CIMAP1C: variants seen among roughly 807,000 people sequenced by gnomAD.
The protein encoded by CIMAP1C is ciliary microtubule associated protein 1C.
chr15:75,727,520 GTCA>G, the CIMAP1C span: 1 of 1,589,808 alleles, frequency 6.3e-7, no homozygotes, highest in Non-Finnish European at 8.6e-7. Flanking sequence ...GTGCCCACTG[GTCA>G]TCGACATTCG....
the CIMAP1C span, chr15:75,727,343 T>C: frequency 2.5e-6 from 4 of 1,614,058 alleles, no homozygotes; most frequent in Non-Finnish European, 1.7e-6. Context: ...ACCTGAGCCA[T>C]CCATCTATCA....
the CIMAP1C span, chr15:75,727,599 T>C: frequency 5.4e-6 from 8 of 1,494,946 alleles, no homozygotes; most frequent in South Asian, 4.0e-5. Context: ...CTACACCAAA[T>C]TGAGCAATTT....
At chr15:75,727,686 G>T in the CIMAP1C span, 9 of 870,516 alleles carry the variant, frequency 1.0e-5, no homozygotes, top group South Asian at 1.6e-4. Context: ...ACATTTTCAT[G>T]TATTTGTTTT....
chr15:75,724,345 G>A, the CIMAP1C span: 4 of 1,495,928 alleles, frequency 2.7e-6, no homozygotes, highest in Admixed American at 1.7e-5. Flanking sequence ...CCTGGGCTTG[G>A]GCCCCCTCCC....
the CIMAP1C span, chr15:75,726,206 G>T: frequency 7.4e-7 from 1 of 1,357,488 alleles, no homozygotes; most frequent in South Asian, 1.2e-5. Flanking sequence ...TTGGGGGTTG[G>T]GAGGTTGGGG....
At chr15:75,727,606 A>T in the CIMAP1C span, 2 of 1,482,500 alleles carry the variant, frequency 1.3e-6, no homozygotes, top group South Asian at 1.3e-5. Flanking sequence ...AAATTGAGCA[A>T]TTTGACCAAG....
the CIMAP1C span, among the ~76,000 whole-genome samples, chr15:75,726,764 C>T: frequency 7.2e-5 from 11 of 152,172 alleles, no homozygotes; most frequent in South Asian, 2.1e-4. Flanking sequence ...TACAGGTGCA[C>T]GCCACCACGC....
At chr15:75,724,226 C>T in the CIMAP1C span, 4 of 1,614,060 alleles carry the variant, frequency 2.5e-6, no homozygotes, top group African/African-American at 1.3e-5. Context: ...GGACCAGGAG[C>T]TCTGTGTACT....
chr15:75,724,814 T>A, the CIMAP1C span, among the ~76,000 whole-genome samples: 1 of 152,220 alleles, frequency 6.6e-6, no homozygotes, highest in Admixed American at 6.5e-5. Context: ...GTTCAGAGGC[T>A]TAACGGAAAT....
At chr15:75,727,371 A>G in the CIMAP1C span, 3 of 1,614,124 alleles carry the variant, frequency 1.9e-6, no homozygotes, top group Admixed American at 3.3e-5. Context: ...AGCCCTACTT[A>G]CAGCATGGCC....
chr15:75,726,950 G>A, the CIMAP1C span: 1 of 1,407,666 alleles, frequency 7.1e-7, no homozygotes, highest in Non-Finnish European at 9.7e-7. Context: ...CTGCTGCTGA[G>A]GTGGTCAGCC....
chr15:75,726,148 T>C, the CIMAP1C span: 38 of 1,590,232 alleles, frequency 2.4e-5, no homozygotes, highest in East Asian at 7.9e-4. Flanking sequence ...CAGGTCCCCA[T>C]GGAGGAGCGC....
chr15:75,725,124 G>A, the CIMAP1C span: 2 of 1,613,788 alleles, frequency 1.2e-6, no homozygotes, highest in African/African-American at 1.3e-5. Flanking sequence ...GGCCCGCCAA[G>A]TACCTCCGGC....
At chr15:75,725,504 C>G in the CIMAP1C span, among the ~76,000 whole-genome samples, 1 of 152,218 alleles carries the variant, frequency 6.6e-6, no homozygotes, top group Non-Finnish European at 1.5e-5. Flanking sequence ...GGTCGCCATG[C>G]TCTGCTAGGG....
the CIMAP1C span, chr15:75,727,246 T>G: frequency 6.2e-7 from 1 of 1,614,132 alleles, no homozygotes; most frequent in Non-Finnish European, 8.5e-7. Context: ...GCCGAGCTGC[T>G]CCCTGCTACA....
the CIMAP1C span, among the ~76,000 whole-genome samples, chr15:75,724,866 AG>A: frequency 1.3e-5 from 2 of 152,250 alleles, no homozygotes; most frequent in Non-Finnish European, 2.9e-5. Flanking sequence ...GAGCAGAATA[AG>A]TTCTCAATTA....
the CIMAP1C span, chr15:75,725,078 G>A: frequency 1.6e-5 from 25 of 1,531,766 alleles, no homozygotes; most frequent in African/African-American, 2.4e-4. Context: ...GGTGGGCCCA[G>A]GCTGAGGGCT....
the CIMAP1C span, among the ~76,000 whole-genome samples, chr15:75,724,765 G>T: frequency 2.0e-5 from 3 of 152,182 alleles, no homozygotes. Flanking sequence ...TCAATATTCT[G>T]TAAAATGGGA....
chr15:75,726,688 T>C, the CIMAP1C span, among the ~76,000 whole-genome samples: 3 of 152,062 alleles, frequency 2.0e-5, no homozygotes, highest in African/African-American at 7.2e-5. Context: ...TGATCTCGGC[T>C]CACTGCAACC....
Sources: gnomAD v4.1 joint callset for allele counts (sites outside exome capture counted in the v4.1 genomes callset) on GRCh38, gnomAD v4.1.1 for gene constraint, MANE v1.5 for transcripts, NCBI Gene and HGNC (gene_info 2026-07-23, HGNC 2026-07-21) for gene names.